ZNF521: variants seen among roughly 807,000 people sequenced by gnomAD.
The protein encoded by ZNF521 is zinc finger protein 521, also known as LYST-interacting protein 3.
In ZNF521, 14 loss-of-function variants were observed where a neutral mutation model predicts 105.5. That is an observed-to-expected ratio of 0.13 (90% CI 0.09 to 0.21). The LOEUF (loss-of-function observed/expected upper bound fraction) is 0.21. Among genes scored for constraint, ZNF521 ranks in the 10% least tolerant of loss-of-function variants. The pLI, the probability that ZNF521 is intolerant of heterozygous loss-of-function variation, is 1.00. For synonymous variants in ZNF521, 635 were observed against 606.0 expected (o/e 1.05, Z -0.70); for missense variants, 1,233 against 1,629.7 (o/e 0.76, Z 4.19).
intron 2 of ZNF521, among the ~76,000 whole-genome samples, chr18:25,326,668 T>C (rs1169940928): frequency 6.6e-6 from 1 of 152,220 alleles, no homozygotes; most frequent in Non-Finnish European, 1.5e-5. Flanking sequence ...TTGCTGGAGA[T>C]ATAAATGAGG....
At chr18:25,139,789 C>A (rs1185168360) in intron 5 of ZNF521, among the ~76,000 whole-genome samples, 1 of 152,140 alleles carries the variant, frequency 6.6e-6, no homozygotes, top group Non-Finnish European at 1.5e-5. Flanking sequence ...GTCTCCCTCC[C>A]AACTCATATG....
rs1912831007 is a variant in ZNF521, at chr18:25,319,622, G to C, written c.220+2386C>G. On this transcript the variant is annotated intron_variant, in intron 3 of 7. Coordinates refer to ENST00000361524, the MANE Select transcript of ZNF521 (RefSeq NM_015461.3). ...AAAAAAAAAAAAAGAAAGAAACAGT[G>C]GGTAAACATTTTATGAATATGTAGA... is the stretch of plus-strand genomic sequence containing the variant. 3.3e-5 allele frequency among the ~76,000 whole-genome samples: 5 copies of C among 151,638 alleles called. No homozygotes were observed. In the South Asian group the frequency reaches 1.0e-3, roughly 31 times the overall value.
At chr18:25,347,318 A>G (rs1425091070) in intron 2 of ZNF521, among the ~76,000 whole-genome samples, 1 of 152,198 alleles carries the variant, frequency 6.6e-6, no homozygotes, top group Non-Finnish European at 1.5e-5. Context: ...TATTTCATTA[A>G]ATAGAAGGGG....
intron 7 of ZNF521, among the ~76,000 whole-genome samples, chr18:25,071,486 T>C (rs1033330714): frequency 6.6e-6 from 1 of 152,182 alleles, no homozygotes; most frequent in African/African-American, 2.4e-5. Flanking sequence ...TGGAAATCAG[T>C]ATTTGGGGAA....
At chr18:25,076,387 G>A (rs938400701) in intron 7 of ZNF521, among the ~76,000 whole-genome samples, 2 of 152,164 alleles carry the variant, frequency 1.3e-5, no homozygotes, top group East Asian at 1.9e-4. Flanking sequence ...CCAGTTCCAC[G>A]CAATGGATGT....
intron 5 of ZNF521, among the ~76,000 whole-genome samples, chr18:25,137,477 T>C (rs2144419241): frequency 6.6e-6 from 1 of 152,284 alleles, no homozygotes; most frequent in South Asian, 2.1e-4. Flanking sequence ...TCGCCGGTAA[T>C]GGCCAATTCA....
At chr18:25,350,375 C>G (rs932423789) in intron 2 of ZNF521, among the ~76,000 whole-genome samples, 1 of 151,920 alleles carries the variant, frequency 6.6e-6, no homozygotes, top group Non-Finnish European at 1.5e-5. Flanking sequence ...CGGAGAGGAC[C>G]CAAGCAGGAC....
At chr18:25,166,218 C>T (rs1330526389) in intron 5 of ZNF521, among the ~76,000 whole-genome samples, 3 of 152,116 alleles carry the variant, frequency 2.0e-5, no homozygotes, top group South Asian at 2.1e-4. Context: ...ATAAAAGACA[C>T]AGGGTACAGA....
rs1386647869 is a variant in ZNF521 at position 25,082,488 on chromosome 18, A to G, written c.3906+6977T>C. On this transcript the variant is annotated intron_variant, in intron 7 of 7. Coordinates refer to ENST00000361524, the MANE Select transcript of ZNF521 (RefSeq NM_015461.3). ...AGGGGTCCCAGCAGAAGAACACATG[A>G]TAAGAGGCAAGACATAACAGGGTTT... The G allele has an allele frequency of 2.2e-5, 9 of 418,030 alleles. No homozygotes were observed. The East Asian group carries it at 4.3e-4, about 20-fold the overall frequency. The allele number at this position is 418,030 out of a possible 1,614,324, so 25.9% of individuals were successfully genotyped here.
chr18:25,113,761 G>GACACACACACACACAC (rs10667710), intron 5 of ZNF521, among the ~76,000 whole-genome samples: 34 of 101,728 alleles, frequency 3.3e-4, no homozygotes, highest in African/African-American at 1.0e-3. Context: ...AGGACGGACG[G>GACACACACACACACAC]ACACACACAC....
At chr18:25,287,617 AAG>A (rs1214314742) in intron 3 of ZNF521, among the ~76,000 whole-genome samples, 19 of 152,146 alleles carry the variant, frequency 1.2e-4, no homozygotes, top group Admixed American at 1.3e-4. Context: ...AAAAAAAAAA[AAG>A]AGAGTATAAA....
intron 2 of ZNF521, among the ~76,000 whole-genome samples, chr18:25,336,764 T>G (rs1913910931): frequency 6.6e-6 from 1 of 152,106 alleles, no homozygotes; most frequent in Non-Finnish European, 1.5e-5. Context: ...TACATAAAAA[T>G]TCCCAATCTT....
Position 25,273,526 on chromosome 18 carries a change from G to T in ZNF521, c.221-45829C>A, listed in dbSNP as rs952731761. ...AGGCAGGATGCCTAAGTTGAAACCC[G>T]AGCTTCATTATTCATATTTACGTGA... On this transcript the variant is annotated intron_variant, in intron 3 of 7. Transcript: ENST00000361524. 7.2e-5 allele frequency: 11 copies of T among 152,248 alleles called. No individual in the cohort carries two copies. In the East Asian group the frequency reaches 2.1e-3, roughly 29 times the overall value. The allele number at this position is 152,248 out of a possible 1,614,324, so 9.4% of individuals were successfully genotyped here.
At chr18:25,253,640 T>C (rs1908267094) in intron 3 of ZNF521, among the ~76,000 whole-genome samples, 1 of 152,092 alleles carries the variant, frequency 6.6e-6, no homozygotes, top group Admixed American at 6.6e-5. Context: ...ATTTTGTGCT[T>C]CAAAAAATGT....
chr18:25,063,229 T>C (rs2032957601), intron 7 of ZNF521, among the ~76,000 whole-genome samples: 1 of 152,210 alleles, frequency 6.6e-6, no homozygotes, highest in African/African-American at 2.4e-5. Context: ...TTCCAATCCC[T>C]CTGAGACTGT....
At chr18:25,330,543 A>G (rs1415403554) in intron 2 of ZNF521, among the ~76,000 whole-genome samples, 1 of 152,210 alleles carries the variant, frequency 6.6e-6, no homozygotes, top group Non-Finnish European at 1.5e-5. Flanking sequence ...GATCTTTGGT[A>G]AGACTCCTTT....
intron 5 of ZNF521, among the ~76,000 whole-genome samples, chr18:25,123,517 C>A (rs1404325406): frequency 3.9e-5 from 6 of 152,074 alleles, no homozygotes; most frequent in African/African-American, 1.4e-4. Context: ...AGAGATTAAC[C>A]TAGGTGATGC....
chr18:25,283,782 T>A (rs1463265341), intron 3 of ZNF521, among the ~76,000 whole-genome samples: 1 of 152,144 alleles, frequency 6.6e-6, no homozygotes, highest in East Asian at 1.9e-4. Context: ...GTTTAAAACC[T>A]TATTATAATT....
chr18:25,126,138 A>T (rs147339177), intron 5 of ZNF521, among the ~76,000 whole-genome samples: 32 of 152,214 alleles, frequency 2.1e-4, no homozygotes, highest in Admixed American at 1.5e-3. Flanking sequence ...CTACCTGGTG[A>T]CACAGACCAC....
Sources: gnomAD v4.1 joint callset for allele counts (sites outside exome capture counted in the v4.1 genomes callset) on GRCh38, gnomAD v4.1.1 for gene constraint, MANE v1.5 for transcripts, NCBI Gene and HGNC (gene_info 2026-07-23, HGNC 2026-07-21) for gene names.